Variants in SPAG16 observed in about 807,000 individuals in gnomAD.
The protein encoded by SPAG16 is sperm-associated antigen 16 protein.
Under a neutral mutation model 80.4 loss-of-function variants are expected in SPAG16, and 86 were observed. The ratio of observed to expected loss-of-function variants is 1.07; its 90% CI spans 0.90 to 1.28. SPAG16 has a LOEUF of 1.28. Among genes scored for constraint, SPAG16 ranks in the 50% most tolerant of loss-of-function variants. The probability of loss-of-function intolerance (pLI) is 0.00; values close to 1 mark genes in which losing one functional copy is unlikely to be tolerated. For synonymous variants in SPAG16, 294 were observed against 265.9 expected (o/e 1.11, Z -1.03); for missense variants, 870 against 765.3 (o/e 1.14, Z -1.61).
At chr2:214,015,188 C>T (rs1437181848) in intron 13 of SPAG16, among the ~76,000 whole-genome samples, 1 of 152,192 alleles carries the variant, frequency 6.6e-6, no homozygotes, top group Admixed American at 6.5e-5. Context: ...AAAACCCTTA[C>T]TGCACATGTT....
chr2:214,335,064 C>G (rs1475680491), intron 15 of SPAG16, among the ~76,000 whole-genome samples: 2 of 152,150 alleles, frequency 1.3e-5, no homozygotes, highest in Admixed American at 6.5e-5. Context: ...TGAGGAAGAA[C>G]AGTAATGAAC....
At position 213,755,647 on chromosome 2, in the gene SPAG16, G is replaced by C. The variant is rs186069036; in HGVS notation, c.1071-106838G>C. Among the ~76,000 whole-genome samples, 47 of 152,266 alleles carry C rather than the reference G, an allele frequency of 3.1e-4. No individual in the cohort carries two copies. The East Asian group carries it at 4.6e-3, about 15-fold the overall frequency. On this transcript the variant is annotated intron_variant, in intron 10 of 15. Transcript: ENST00000331683. Reference sequence around the variant, plus strand: ...AACAAGGACAGGGTTTGCTTTTGTAGAGCATAGATTCTAATGGAGAAGATA... The same window carrying C: ...AACAAGGACAGGGTTTGCTTTTGTACAGCATAGATTCTAATGGAGAAGATA...
intron 15 of SPAG16, among the ~76,000 whole-genome samples, chr2:214,397,111 T>C (rs1701438208): frequency 6.6e-6 from 1 of 151,650 alleles, no homozygotes; most frequent in African/African-American, 2.4e-5. Flanking sequence ...AATCATAGTA[T>C]CTAGTTAATG....
intron 10 of SPAG16, among the ~76,000 whole-genome samples, chr2:213,806,248 G>A (rs2071762257): frequency 6.6e-6 from 1 of 152,274 alleles, no homozygotes; most frequent in African/African-American, 2.4e-5. Context: ...GATTATTTTA[G>A]AATTGCTTAG....
At chr2:213,303,468 G>T (rs532428965) in intron 3 of SPAG16, among the ~76,000 whole-genome samples, 1 of 94,374 alleles carries the variant, frequency 1.1e-5, no homozygotes, top group Admixed American at 1.0e-4. Flanking sequence ...AGTCACTCTC[G>T]TGCTATCAAA....
chr2:213,673,635 A>G (rs2063910877), intron 10 of SPAG16, among the ~76,000 whole-genome samples: 1 of 152,244 alleles, frequency 6.6e-6, no homozygotes, highest in Non-Finnish European at 1.5e-5. Context: ...ACAAATATGT[A>G]CACACATTTT....
intron 11 of SPAG16, among the ~76,000 whole-genome samples, chr2:213,928,041 T>C (rs948888592): frequency 6.6e-6 from 1 of 152,206 alleles, no homozygotes; most frequent in Non-Finnish European, 1.5e-5. Flanking sequence ...TGCCATTTGG[T>C]GATTTTTCAG....
chr2:213,363,740 C>A (rs926090373), intron 7 of SPAG16, among the ~76,000 whole-genome samples: 1 of 151,834 alleles, frequency 6.6e-6, no homozygotes, highest in Non-Finnish European at 1.5e-5. Flanking sequence ...TATTGTGAAA[C>A]AATTTGAACA....
chr2:214,207,975 G>A (rs566891807), intron 15 of SPAG16, among the ~76,000 whole-genome samples: 76 of 152,288 alleles, frequency 5.0e-4, no homozygotes, highest in African/African-American at 1.8e-3. Flanking sequence ...AGTCTGCACT[G>A]TCAGCTTCCC....
intron 10 of SPAG16, among the ~76,000 whole-genome samples, chr2:213,626,547 A>G (rs1559322197): frequency 6.6e-6 from 1 of 152,082 alleles, no homozygotes; most frequent in Non-Finnish European, 1.5e-5. Flanking sequence ...TTAAATTTAG[A>G]CAGTCTTGCT....
Position 213,974,903 on chromosome 2 carries a change from C to T in SPAG16, c.1401-39048C>T, listed in dbSNP as rs1313575264. Reference sequence around the variant, plus strand: ...TTAACTGTCACATAGCACTTTCTCCCTTTTTAACAGTTATCAAGAATCTAG... The same window carrying T: ...TTAACTGTCACATAGCACTTTCTCCTTTTTTAACAGTTATCAAGAATCTAG... On this transcript the variant is annotated intron_variant, in intron 12 of 15. Transcript: ENST00000331683. 2.0e-5 allele frequency among the ~76,000 whole-genome samples: 3 copies of T among 146,630 alleles called. No homozygotes were observed. In the East Asian group the frequency reaches 6.0e-4, roughly 29 times the overall value.
intron 10 of SPAG16, among the ~76,000 whole-genome samples, chr2:213,644,048 TG>T (rs1364926282): frequency 6.6e-6 from 1 of 151,334 alleles, no homozygotes; most frequent in African/African-American, 2.4e-5. Flanking sequence ...CCCAAAATGC[TG>T]GGATTACAGG....
chr2:213,341,857 C>T (rs1019112586), intron 6 of SPAG16, among the ~76,000 whole-genome samples: 1 of 152,040 alleles, frequency 6.6e-6, no homozygotes, highest in Non-Finnish European at 1.5e-5. Flanking sequence ...TCCCATTTAA[C>T]ACAAGTATCT....
chr2:214,271,540 C>A (rs1325837142), intron 15 of SPAG16, among the ~76,000 whole-genome samples: 1 of 152,172 alleles, frequency 6.6e-6, no homozygotes, highest in African/African-American at 2.4e-5. Context: ...GTGGCTCATG[C>A]CTGTAACTCC....
chr2:213,906,005 T>C (rs1474898412), intron 11 of SPAG16, among the ~76,000 whole-genome samples: 2 of 152,182 alleles, frequency 1.3e-5, no homozygotes, highest in South Asian at 4.1e-4. Flanking sequence ...TAAATAAATT[T>C]CCTGTCTTGA....
chr2:213,370,961 A>T (rs2066595589), intron 8 of SPAG16, among the ~76,000 whole-genome samples: 2 of 152,216 alleles, frequency 1.3e-5, no homozygotes, highest in Admixed American at 1.3e-4. Context: ...CCTGTACTGA[A>T]TAATTTTATG....
chr2:213,651,671 T>G (rs1360831265), intron 10 of SPAG16, among the ~76,000 whole-genome samples: 1 of 152,158 alleles, frequency 6.6e-6, no homozygotes, highest in Non-Finnish European at 1.5e-5. Context: ...TGTGGTTCAC[T>G]CTAATCTGAA....
At chr2:214,258,668 C>A (rs991122410) in intron 15 of SPAG16, among the ~76,000 whole-genome samples, 1 of 151,712 alleles carries the variant, frequency 6.6e-6, no homozygotes, top group East Asian at 1.9e-4. Flanking sequence ...CCAGTAGATA[C>A]CTTAATATTG....
intron 9 of SPAG16, among the ~76,000 whole-genome samples, chr2:213,454,240 C>T (rs2071870547): frequency 6.6e-6 from 1 of 152,054 alleles, no homozygotes; most frequent in South Asian, 2.1e-4. Context: ...GTATTAATTT[C>T]AATTTAAAAA....
Sources: allele counts gnomAD v4.1 joint callset (sites outside exome capture counted in the v4.1 genomes callset), GRCh38; gene constraint gnomAD v4.1.1; transcripts MANE v1.5; gene names NCBI Gene and HGNC (gene_info 2026-07-23, HGNC 2026-07-21).